Variants in FAT1 observed in about 807,000 individuals in gnomAD.
The protein encoded by FAT1 is FAT atypical cadherin 1, also known as protocadherin Fat 1.
FAT1 carries 171 observed loss-of-function variants against 329.8 expected under a neutral mutation model. The ratio of observed to expected loss-of-function variants is 0.52; its 90% confidence interval spans 0.46 to 0.59. The LOEUF (loss-of-function observed/expected upper bound fraction) is 0.59. Among genes scored for constraint, FAT1 ranks in the 20% least tolerant of loss-of-function variants. The pLI, the probability that FAT1 is intolerant of heterozygous loss-of-function variation, is 0.00. For synonymous variants in FAT1, 2,233 were observed against 2,228.6 expected (o/e 1.00, Z -0.06); for missense variants, 5,672 against 5,774.4 (o/e 0.98, Z 0.57).
intron 21 of FAT1, among the ~76,000 whole-genome samples, chr4:186,600,690 T>C (rs1000373198): frequency 5.9e-5 from 9 of 152,318 alleles, no homozygotes; most frequent in Non-Finnish European, 8.8e-5. Flanking sequence ...TTGAAACACA[T>C]GTAGGATGTC....
rs2126518130 is a variant in FAT1, at chr4:186,620,692, A to G, written c.5894T>C (p.Val1965Ala). Residue 1965 changes from valine (V) to alanine (A), a missense_variant, in exon 10 of 27, where the codon GTC becomes GCC. Val to Ala is a moderately conservative substitution (Grantham distance 64). Around this residue, in one of 2 missense-constraint regions of FAT1, gnomAD observed 3,966 missense variants for 3,915.2 expected, o/e 1.01. Coordinates refer to ENST00000441802, the MANE Select transcript of FAT1 (RefSeq NM_005245.4). ...SDGRFAGLTS[V>A]KINVKESKES... ...TTTGCTTTCTTTCACATTAATTTTG[A>G]CAGAGGTAAGGCCGGCAAATCTGCC... 1 of 1,613,944 alleles carries G rather than the reference A, an allele frequency of 6.2e-7. No individual in the cohort carries two copies. The highest frequency in any genetic ancestry group is 8.5e-7 in the Non-Finnish European group (1 of 1,179,878).
chr4:186,681,593 C>CA (rs568331618), intron 2 of FAT1, among the ~76,000 whole-genome samples: 56 of 152,330 alleles, frequency 3.7e-4, no homozygotes, highest in Middle Eastern at 6.8e-3. Context: ...AAGTGAAATA[C>CA]ACACATACGT....
intron 26 of FAT1, chr4:186,592,835 T>C (rs996510529): frequency 3.1e-5 from 14 of 447,704 alleles, no homozygotes; most frequent in African/African-American, 2.8e-4. Context: ...TTTTGTATTA[T>C]ACCATTTCTA....
In FAT1 at chr4:186,618,751, C is replaced by T; in HGVS notation, c.7835G>A (p.Gly2612Glu). ...EVNIGSSAAK[G>E]TSVVKVLASD... is the part of the protein sequence containing the mutation. Reference sequence around the variant, plus strand: ...TGCAAGAACTTTAACGACTGAAGTCCCTTTAGCAGCACTGGACCCGATATT... The same window carrying T: ...TGCAAGAACTTTAACGACTGAAGTCTCTTTAGCAGCACTGGACCCGATATT... Residue 2612 changes from glycine (G) to glutamate (E), a missense_variant, in exon 10 of 27, where the codon GGG (glycine) becomes GAG (glutamate). Physicochemically the swap from Gly to Glu is moderately conservative, Grantham distance 98. Coordinates refer to ENST00000441802, the MANE Select transcript of FAT1 (RefSeq NM_005245.4). The T allele has an allele frequency of 6.2e-7, 1 of 1,613,988 alleles. No individual in the cohort carries two copies. Among genetic ancestry groups the T allele is most frequent in the Non-Finnish European group, 8.5e-7 (1 of 1,179,886 alleles).
intron 22 of FAT1, chr4:186,598,435 T>C: frequency 4.4e-6 from 1 of 229,206 alleles, no homozygotes. Context: ...ACAGCACCAC[T>C]TAACATCTCA....
At chr4:186,649,063 T>G (rs1019142291) in intron 3 of FAT1, among the ~76,000 whole-genome samples, 1 of 152,186 alleles carries the variant, frequency 6.6e-6, no homozygotes, top group African/African-American at 2.4e-5. Flanking sequence ...ACAGTATTTC[T>G]CAAGTATGGT....
rs760205838 is a variant in FAT1, at chr4:186,706,675, T to C, written c.3153A>G (p.Ser1051=). 1.9e-6 allele frequency: 3 copies of C among 1,614,022 alleles called. No homozygotes were observed. Among genetic ancestry groups the C allele is most frequent in the South Asian group, 2.2e-5 (2 of 91,082 alleles). The change falls in exon 2 of 27, where the codon TCA becomes TCG. Residue 1051 remains serine, a synonymous_variant. Coordinates refer to ENST00000441802, the MANE Select transcript of FAT1 (RefSeq NM_005245.4). ...GTVKEDAPVG[S]LVMTVSAHDE... ...CATGAGCCGACACCGTCATTACCAA[T>C]GAACCAACAGGTGCATCTTCTTTCA... is the stretch of plus-strand genomic sequence containing the variant.
At chr4:186,633,651 CTCT>C (rs774727284) in intron 7 of FAT1, 30 bp downstream of exon 7, 1 of 1,612,938 alleles carries the variant, frequency 6.2e-7, no homozygotes, top group African/African-American at 1.3e-5. Flanking sequence ...CTCCATCCTC[CTCT>C]GACAAGTGTG....
chr4:186,635,899 A>T, intron 6 of FAT1, 126 bp downstream of exon 6: 6 of 796,282 alleles, frequency 7.5e-6, no homozygotes, highest in East Asian at 2.7e-5. Flanking sequence ...GTTGAAAGCA[A>T]ATTCTCCACC....
At position 186,617,088 on chromosome 4, in the gene FAT1, C is replaced by T. The variant is rs369004042; in HGVS notation, c.8992G>A (p.Ala2998Thr). The T allele has an allele frequency of 1.9e-6, 3 of 1,613,926 alleles. No individual in the cohort carries two copies. Among genetic ancestry groups the T allele is most frequent in the East Asian group, 2.2e-5 (1 of 44,874 alleles). The part of the protein sequence containing the change: ...KRDNYLLTIT[A>T]TDGTFSSKAI... ...TTTGATGAGAAGGTGCCATCAGTTG[C>T]CGTGATAGTAAGAAGGTAATTGTCC... Residue 2998 changes from alanine (A) to threonine (T), a missense_variant, in exon 11 of 27, where the codon GCA becomes ACA. Physicochemically the swap from Ala to Thr is moderately conservative, Grantham distance 58. Around this residue, in one of 2 missense-constraint regions of FAT1, gnomAD observed 3,966 missense variants for 3,915.2 expected, o/e 1.01. Transcript: ENST00000441802.
At chr4:186,600,955 AC>A (rs1041963106) in intron 21 of FAT1, among the ~76,000 whole-genome samples, 28 of 151,904 alleles carry the variant, frequency 1.8e-4, no homozygotes, top group African/African-American at 6.5e-4. Flanking sequence ...CAAGTGATCC[AC>A]CCGCCTCAGC....
At position 186,614,301 on chromosome 4, in the gene FAT1, T is replaced by C. The variant is rs749699593; in HGVS notation, c.9119A>G (p.Lys3040Arg). Reference sequence around the variant, plus strand: ...TGTAGCAGAGATCTGCATGATCAATTTTCCAGGAAGGACGTCTTCAGGAAT... The same window carrying C: ...TGTAGCAGAGATCTGCATGATCAATCTTCCAGGAAGGACGTCTTCAGGAAT... ...DTIPEDVLPG[K>R]LIMQISATDA... is the part of the protein sequence containing the mutation. The change falls in exon 12 of 27, where the codon AAA (lysine) becomes AGA (arginine). Residue 3040 changes from lysine to arginine, a missense_variant. Coordinates refer to ENST00000441802, the MANE Select transcript of FAT1 (RefSeq NM_005245.4). 1.3e-6 allele frequency: 2 copies of C among 1,584,526 alleles called. No homozygotes were observed. The highest frequency in any genetic ancestry group is 3.8e-5 in the Admixed American group (2 of 52,790).
At chr4:186,681,563 C>A (rs545409530) in intron 2 of FAT1, among the ~76,000 whole-genome samples, 1 of 152,260 alleles carries the variant, frequency 6.6e-6, no homozygotes, top group Non-Finnish European at 1.5e-5. Context: ...AGACAAGGGA[C>A]CGGCATTAGC....
At chr4:186,615,651 C>T (rs1295397166) in intron 11 of FAT1, among the ~76,000 whole-genome samples, 1 of 152,174 alleles carries the variant, frequency 6.6e-6, no homozygotes, top group African/African-American at 2.4e-5. Flanking sequence ...ATCCCAGCTC[C>T]ACTCGCCACC....
rs1442439363 is a variant in FAT1, at chr4:186,706,642, GTCC to G, written c.3183_3185del (p.Glu1061del). 1.9e-6 allele frequency: 3 copies of G among 1,613,774 alleles called. No individual in the cohort carries two copies. Among genetic ancestry groups the G allele is most frequent in the African/African-American group, 2.7e-5 (2 of 74,882 alleles). On this transcript the variant is annotated inframe_deletion, in exon 2 of 27. Coordinates refer to ENST00000441802, the MANE Select transcript of FAT1 (RefSeq NM_005245.4). The stretch of plus-strand genomic sequence containing the variant: ...ATCGGATCTCCCCATCTCTTCTGGC[GTCC>G]TCATCATGAGCCGACACCGTCATTA...
rs2126429769 is a variant in FAT1 at position 186,603,549 on chromosome 4, G to A, written c.10977C>T (p.Tyr3659=). The change falls in exon 19 of 27, where the codon TAC becomes TAT. Residue 3659 remains tyrosine (Y), a synonymous_variant. Transcript: ENST00000441802. ...NLTPEEFVGD[Y]WRNFQRALRN... ...GTAAAGCTCGCTGGAAGTTGCGCCA[G>A]TAGTCACCAACGAATTCTTCCGGAG... is the stretch of plus-strand genomic sequence containing the variant. 6.2e-7 allele frequency: 1 copy of A among 1,613,990 alleles called. No homozygotes were observed. The highest frequency in any genetic ancestry group is 1.6e-4 in the Middle Eastern group (1 of 6,062).
chr4:186,652,241 C>T (rs749122979), intron 3 of FAT1, among the ~76,000 whole-genome samples: 8 of 152,152 alleles, frequency 5.3e-5, no homozygotes, highest in African/African-American at 1.2e-4. Flanking sequence ...CTATAAATGT[C>T]AGATATAGCA....
rs752904545 is a variant in FAT1 at position 186,597,836 on chromosome 4, G to T, written c.12258-44C>A. 1.9e-6 allele frequency: 3 copies of T among 1,579,652 alleles called. No homozygotes were observed. In the East Asian group the frequency reaches 6.7e-5, roughly 35 times the overall value. On this transcript the variant is annotated intron_variant, in intron 23 of 26. Transcript: ENST00000441802. ...CAGACATAAACCTCATGATCCTATT[G>T]CAAATAAATACAGCAAAACAGAAAG...
chr4:186,675,452 TAAAAAGAA>T (rs1742907982), intron 2 of FAT1, among the ~76,000 whole-genome samples: 2 of 151,544 alleles, frequency 1.3e-5, no homozygotes, highest in South Asian at 2.1e-4. Context: ...GGGCAATAAA[TAAAAAGAA>T]AAAAAGAAAG....
Sources: allele counts gnomAD v4.1 joint callset (sites outside exome capture counted in the v4.1 genomes callset), GRCh38; gene constraint gnomAD v4.1.1; regional missense constraint gnomAD v4.1.1; transcripts MANE v1.5; gene names NCBI Gene and HGNC (gene_info 2026-07-23, HGNC 2026-07-21).